IREB2: variants seen among roughly 807,000 people sequenced by gnomAD.
The protein encoded by IREB2 is iron responsive element binding protein 2, also known as iron-responsive element-binding protein 2.
In IREB2, 39 loss-of-function variants were observed where a neutral mutation model predicts 118.8. The observed-to-expected ratio is 0.33, with a 90% CI of 0.25 to 0.43. IREB2 has a LOEUF of 0.43. Ranked by LOEUF, IREB2 falls within the 20% of genes least tolerant of loss-of-function variation. The pLI, the probability that IREB2 is intolerant of heterozygous loss-of-function variation, is 1.00. For missense variants in IREB2, 900 were observed against 1,147.3 expected (o/e 0.78, Z 3.11); for synonymous variants, 372 against 392.2 (o/e 0.95, Z 0.61).
chr15:78,471,197 C>A (rs761378528), intron 6 of IREB2, among the ~76,000 whole-genome samples: 3 of 149,514 alleles, frequency 2.0e-5, no homozygotes, highest in African/African-American at 7.4e-5. Context: ...TTAGTAGAGA[C>A]GGGGTTTTGC....
At chr15:78,462,412 A>C (rs943051681) in intron 2 of IREB2, among the ~76,000 whole-genome samples, 1 of 152,228 alleles carries the variant, frequency 6.6e-6, no homozygotes, top group Non-Finnish European at 1.5e-5. Flanking sequence ...AGTAATTAAG[A>C]GTGAATCAAA....
At chr15:78,468,043 G>A (rs1323611230) in intron 5 of IREB2, among the ~76,000 whole-genome samples, 1 of 152,018 alleles carries the variant, frequency 6.6e-6, no homozygotes, top group Non-Finnish European at 1.5e-5. Flanking sequence ...CTGTATACAG[G>A]GGGTGTCACT....
intron 2 of IREB2, among the ~76,000 whole-genome samples, chr15:78,451,828 C>T (rs1170556229): frequency 6.6e-5 from 10 of 152,118 alleles, no homozygotes; most frequent in Admixed American, 6.5e-4. Context: ...GCTGGAACTA[C>T]AGGTGTGAGC....
intron 20 of IREB2, among the ~76,000 whole-genome samples, chr15:78,496,536 G>A (rs2051840550): frequency 6.6e-6 from 1 of 152,110 alleles, no homozygotes; most frequent in Admixed American, 6.5e-5. Context: ...CCATAGTGCT[G>A]GCATTACAGG....
intron 1 of IREB2, among the ~76,000 whole-genome samples, 188 bp from the exon 2 acceptor site, chr15:78,439,607 G>A (rs1017220902): frequency 2.0e-5 from 3 of 152,154 alleles, no homozygotes; most frequent in Non-Finnish European, 2.9e-5. Flanking sequence ...CAGTTCCTCA[G>A]GCACGATAGC....
chr15:78,444,424 C>G (rs1258031879), intron 2 of IREB2, among the ~76,000 whole-genome samples: 1 of 152,116 alleles, frequency 6.6e-6, no homozygotes, highest in Admixed American at 6.5e-5. Flanking sequence ...TACTGGGCAA[C>G]AGGGCCTCTG....
intron 1 of IREB2, chr15:78,438,803 C>CA (rs1243441078): frequency 3.2e-5 from 6 of 185,124 alleles, no homozygotes; most frequent in Non-Finnish European, 5.7e-5. Context: ...TAAGGCCCCT[C>CA]AGTCTCTCTG....
At chr15:78,492,364 A>AAAATTACCAAGATTACCAAT (rs1462219637) in intron 18 of IREB2, among the ~76,000 whole-genome samples, 2 of 152,168 alleles carry the variant, frequency 1.3e-5, no homozygotes, top group African/African-American at 4.8e-5. Flanking sequence ...AATTTTACCA[A>AAAATTACCAAGATTACCAAT]AAATTACCAA....
At chr15:78,493,819 TAAA>T (rs1432031927) in intron 18 of IREB2, 87 bp from the exon 19 acceptor site, 1 of 1,243,906 alleles carries the variant, frequency 8.0e-7, no homozygotes, top group Non-Finnish European at 1.1e-6. Flanking sequence ...TTTTCTGTGA[TAAA>T]AAAATTTTTC....
chr15:78,454,841 A>C lies in IREB2; in HGVS notation c.107-8081A>C, dbSNP rs117132108. On this transcript the variant is annotated intron_variant, in intron 2 of 21. Transcript: ENST00000258886. ...CGTTAGTAGTTAGGATCACAGGTGCACACCACTGTGCCTGATGAATTTTTT... is the reference window on the plus strand; with the variant it reads ...CGTTAGTAGTTAGGATCACAGGTGCCCACCACTGTGCCTGATGAATTTTTT... Among the ~76,000 whole-genome samples, 589 of 152,240 alleles carry C rather than the reference A, an allele frequency of 3.9e-3. 23 individuals are homozygous for C. In the East Asian group the frequency reaches 0.094, roughly 24 times the overall value.
chr15:78,482,914 A>G (rs1383130403), intron 10 of IREB2, among the ~76,000 whole-genome samples: 2 of 151,768 alleles, frequency 1.3e-5, no homozygotes, highest in Non-Finnish European at 2.9e-5. Context: ...CGCCCGGCTA[A>G]TTTTTTAGTA....
chr15:78,473,554 A>G, intron 8 of IREB2, 173 bp downstream of exon 8: 1 of 578,818 alleles, frequency 1.7e-6, no homozygotes, highest in East Asian at 2.9e-5. Context: ...TTTAGTTTGT[A>G]CTAATAAATA....
intron 3 of IREB2, among the ~76,000 whole-genome samples, chr15:78,463,523 T>A (rs2051231913): frequency 6.6e-6 from 1 of 152,190 alleles, no homozygotes; most frequent in South Asian, 2.1e-4. Flanking sequence ...TTTGTTTGTT[T>A]TTTTAAGGTT....
chr15:78,477,483 G>A (rs1260964122), intron 9 of IREB2, among the ~76,000 whole-genome samples: 3 of 152,200 alleles, frequency 2.0e-5, no homozygotes, highest in African/African-American at 7.2e-5. Flanking sequence ...ACACCCTCAT[G>A]TGGTTTCTCC....
chr15:78,466,794 T>A (rs895986625), intron 5 of IREB2, among the ~76,000 whole-genome samples: 1 of 152,132 alleles, frequency 6.6e-6, no homozygotes, highest in African/African-American at 2.4e-5. Context: ...AAACTAAAAT[T>A]TTTATTTTAG....
chr15:78,448,015 G>A (rs1465810432), intron 2 of IREB2, among the ~76,000 whole-genome samples: 1 of 152,262 alleles, frequency 6.6e-6, no homozygotes, highest in Non-Finnish European at 1.5e-5. Flanking sequence ...GAACTTTTTA[G>A]AAAGAGGGCT....
intron 2 of IREB2, among the ~76,000 whole-genome samples, chr15:78,454,006 A>G (rs1167552047): frequency 6.6e-6 from 1 of 152,228 alleles, no homozygotes; most frequent in African/African-American, 2.4e-5. Context: ...CATACCTGTT[A>G]GAATGGGTAC....
At chr15:78,458,023 A>G (rs937303246) in intron 2 of IREB2, among the ~76,000 whole-genome samples, 2 of 152,078 alleles carry the variant, frequency 1.3e-5, no homozygotes, top group African/African-American at 4.8e-5. Context: ...ACATGTACCA[A>G]CTAGATAGAC....
Position 78,466,277 on chromosome 15 carries a change from A to G in IREB2, c.417A>G (p.Ile139Met), listed in dbSNP as rs2051280358. ...SLQIDFSKCA[I>M]QNAPNPGGGD... Reference sequence around the variant, plus strand: ...TTTCTTTTTGGAATGACAGTGCAATACAGAATGCACCAAATCCTGGAGGTG... The same window carrying G: ...TTTCTTTTTGGAATGACAGTGCAATGCAGAATGCACCAAATCCTGGAGGTG... The change falls in exon 5 of 22, where the codon ATA becomes ATG. Residue 139 changes from isoleucine (I) to methionine (M), a missense_variant. Ile to Met is a conservative substitution (Grantham distance 10, BLOSUM62 1). Coordinates refer to ENST00000258886, the MANE Select transcript of IREB2 (RefSeq NM_004136.4). 1.2e-6 allele frequency: 2 copies of G among 1,610,088 alleles called. No homozygotes were observed. The highest frequency in any genetic ancestry group is 4.5e-5 in the East Asian group (2 of 44,852).
Sources: gnomAD v4.1 joint callset for allele counts (sites outside exome capture counted in the v4.1 genomes callset) on GRCh38, gnomAD v4.1.1 for gene constraint, MANE v1.5 for transcripts, NCBI Gene and HGNC (gene_info 2026-07-23, HGNC 2026-07-21) for gene names.